The following KIAA1328 variants were observed in gnomAD, a reference collection of about 807,000 sequenced individuals.
The protein encoded by KIAA1328 is KIAA1328.
In KIAA1328, 52 loss-of-function variants were observed where a neutral mutation model predicts 68.1. The ratio of observed to expected loss-of-function variants is 0.76; its 90% CI spans 0.61 to 0.96. The LOEUF is 0.96. KIAA1328 is among the 40% of genes least tolerant of loss of function. KIAA1328 has a pLI of 0.00. For synonymous variants in KIAA1328, 232 were observed against 239.4 expected (o/e 0.97, Z 0.28); for missense variants, 641 against 677.6 (o/e 0.95, Z 0.60).
intron 6 of KIAA1328, among the ~76,000 whole-genome samples, chr18:37,054,594 A>G (rs560117967): frequency 6.6e-6 from 1 of 152,358 alleles, no homozygotes; most frequent in East Asian, 1.9e-4. Flanking sequence ...TCTCACTTTT[A>G]ACTGGAAGCC....
At chr18:36,894,600 C>T in intron 5 of KIAA1328, among the ~76,000 whole-genome samples, 1 of 152,030 alleles carries the variant, frequency 6.6e-6, no homozygotes, top group East Asian at 1.9e-4. Flanking sequence ...TCATGGCTCA[C>T]TGCAGCCTTT....
intron 4 of KIAA1328, among the ~76,000 whole-genome samples, chr18:36,848,399 A>T (rs58918194): frequency 0.11 from 16,155 of 151,218 alleles, 1,091 homozygotes; most frequent in Non-Finnish European, 0.13. Context: ...TTTTTTTAAC[A>T]TATATTGGCT....
intron 6 of KIAA1328, chr18:37,063,747 T>A: frequency 1.2e-6 from 1 of 808,946 alleles, no homozygotes; most frequent in Non-Finnish European, 1.5e-6. Flanking sequence ...TTATTCCAAA[T>A]ACTTGATTTT....
intron 9 of KIAA1328, among the ~76,000 whole-genome samples, chr18:37,178,397 G>A (rs2059635110): frequency 6.6e-6 from 1 of 152,178 alleles, no homozygotes; most frequent in Non-Finnish European, 1.5e-5. Context: ...GTTCATCTAT[G>A]TTGCCACAAA....
intron 4 of KIAA1328, among the ~76,000 whole-genome samples, chr18:36,879,614 T>C (rs2048262209): frequency 6.6e-6 from 1 of 152,206 alleles, no homozygotes; most frequent in South Asian, 2.1e-4. Flanking sequence ...TTAAGTCTGC[T>C]GAAGTTGCGC....
At chr18:36,940,882 G>T (rs1312387841) in intron 5 of KIAA1328, among the ~76,000 whole-genome samples, 1 of 152,016 alleles carries the variant, frequency 6.6e-6, no homozygotes, top group South Asian at 2.1e-4. Context: ...CACCATGTTA[G>T]CCAGGATGGT....
intron 4 of KIAA1328, among the ~76,000 whole-genome samples, chr18:36,850,511 C>T (rs1442543260): frequency 7.2e-5 from 11 of 151,904 alleles, no homozygotes. Flanking sequence ...ATATTTTTTC[C>T]TATACTTACA....
At chr18:37,116,402 A>C (rs920331222) in intron 7 of KIAA1328, among the ~76,000 whole-genome samples, 138 of 152,196 alleles carry the variant, frequency 9.1e-4, no homozygotes, top group Admixed American at 1.5e-3. Flanking sequence ...CAAAAACAAG[A>C]AATGGGGAAA....
At chr18:36,899,186 A>G (rs1029439950) in intron 5 of KIAA1328, among the ~76,000 whole-genome samples, 1 of 148,588 alleles carries the variant, frequency 6.7e-6, no homozygotes, top group Non-Finnish European at 1.5e-5. Context: ...TTTGCCAAGA[A>G]TTTTTGTTCT....
rs142960575 is a variant in KIAA1328 at position 37,112,814 on chromosome 18, G to A, written c.1232+45269G>A. Among the ~76,000 whole-genome samples, 172 of 152,264 alleles carry A rather than the reference G, an allele frequency of 1.1e-3. 1 individual carries two copies. Among genetic ancestry groups the A allele is most frequent in the African/African-American group, 4.0e-3 (165 of 41,568 alleles). On this transcript the variant is annotated intron_variant, in intron 7 of 9. Transcript: ENST00000280020. ...ATAAACAGTGTAGAGAAAGCCTTAA[G>A]TGACCTGATGGAGCTGAAAACCATG...
intron 6 of KIAA1328, among the ~76,000 whole-genome samples, chr18:36,970,189 G>T (rs1216142482): frequency 2.0e-5 from 3 of 152,020 alleles, no homozygotes; most frequent in Non-Finnish European, 4.4e-5. Flanking sequence ...TCACATAAAT[G>T]AACCAATGAC....
chr18:37,022,138 A>G (rs555654631), intron 6 of KIAA1328, among the ~76,000 whole-genome samples: 200 of 152,256 alleles, frequency 1.3e-3, no homozygotes, highest in African/African-American at 4.6e-3. Flanking sequence ...GAACCTTAGC[A>G]TGTGCCTCAT....
At chr18:36,913,289 T>C (rs1027523607) in intron 5 of KIAA1328, among the ~76,000 whole-genome samples, 7 of 150,442 alleles carry the variant, frequency 4.7e-5, no homozygotes, top group African/African-American at 1.7e-4. Context: ...GAAGCCAAGG[T>C]GGGAGGATCA....
intron 7 of KIAA1328, among the ~76,000 whole-genome samples, chr18:37,078,107 C>T (rs2056812107): frequency 1.3e-5 from 2 of 152,178 alleles, no homozygotes; most frequent in African/African-American, 4.8e-5. Flanking sequence ...ACCAAAACAG[C>T]ATGGTACTGG....
At chr18:37,158,145 G>T (rs1311205230) in intron 7 of KIAA1328, among the ~76,000 whole-genome samples, 2 of 151,820 alleles carry the variant, frequency 1.3e-5, no homozygotes, top group East Asian at 3.9e-4. Context: ...CTATCCTGCT[G>T]CCTCAGCTTC....
At chr18:37,002,919 A>T (rs1228807678) in intron 6 of KIAA1328, among the ~76,000 whole-genome samples, 1 of 152,136 alleles carries the variant, frequency 6.6e-6, no homozygotes, top group Admixed American at 6.6e-5. Flanking sequence ...GTGTCACATT[A>T]CCTGACTTTA....
intron 5 of KIAA1328, among the ~76,000 whole-genome samples, chr18:36,908,471 A>G (rs777792339): frequency 6.6e-5 from 10 of 152,054 alleles, no homozygotes; most frequent in Non-Finnish European, 1.2e-4. Flanking sequence ...TCCCAAGTAG[A>G]TAGGACTACA....
chr18:36,879,195 GT>G (rs1011268755), intron 4 of KIAA1328, among the ~76,000 whole-genome samples: 25 of 148,748 alleles, frequency 1.7e-4, no homozygotes, highest in South Asian at 6.5e-4. Flanking sequence ...CTTTGGATGG[GT>G]TTTTTTTTTC....
chr18:37,077,286 G>GAC (rs2056774144), intron 7 of KIAA1328, among the ~76,000 whole-genome samples: 1 of 106,328 alleles, frequency 9.4e-6, no homozygotes. Flanking sequence ...ATTCAACAAG[G>GAC]CTTCATGCTA....
Sources: allele counts gnomAD v4.1 joint callset (sites outside exome capture counted in the v4.1 genomes callset), GRCh38; gene constraint gnomAD v4.1.1; transcripts MANE v1.5; gene names NCBI Gene and HGNC (gene_info 2026-07-23, HGNC 2026-07-21).